The following LIPG variants were observed in gnomAD, a reference collection of about 807,000 sequenced individuals.
LIPG encodes endothelial lipase.
LIPG carries 34 observed loss-of-function variants against 51.8 expected under a neutral mutation model. That is an observed-to-expected ratio of 0.66 (90% CI 0.50 to 0.87). The LOEUF (loss-of-function observed/expected upper bound fraction) is 0.87. Ranked by LOEUF, LIPG falls within the 40% of genes least tolerant of loss-of-function variation. The probability of loss-of-function intolerance (pLI) is 0.00; values close to 1 mark genes in which losing one functional copy is unlikely to be tolerated. For synonymous variants in LIPG, 246 were observed against 246.1 expected, an observed-to-expected ratio of 1.00 and a Z score of 0.00; for missense variants, 580 against 652.7, an observed-to-expected ratio of 0.89 and a Z score of 1.21.
chr18:49,566,279 G>T (rs1050997955), intron 2 of LIPG, among the ~76,000 whole-genome samples: 1 of 152,198 alleles, frequency 6.6e-6, no homozygotes, highest in African/African-American at 2.4e-5. Flanking sequence ...CTAGTTGAAT[G>T]AAGAGATGAT....
intron 4 of LIPG, among the ~76,000 whole-genome samples, chr18:49,571,749 A>G (rs2084666454): frequency 6.6e-6 from 1 of 152,162 alleles, no homozygotes; most frequent in Non-Finnish European, 1.5e-5. Context: ...CAGTGATGCC[A>G]CTATGCTAAG....
chr18:49,562,379 C>T lies in LIPG; in HGVS notation c.71C>T (p.Pro24Leu), dbSNP rs770143868. ...CYCFAAGSPVPFGPEGRLEDK... is the reference protein window; with the variant it reads ...CYCFAAGSPVLFGPEGRLEDK... ...TGCTTTGCTGCGGGGAGCCCCGTAC[C>T]TTTTGGTCCAGAGGGACGGCTGGAA... The change falls in exon 1 of 10, where the codon CCT (proline) becomes CTT (leucine). Residue 24 changes from proline to leucine, a missense_variant. Coordinates refer to ENST00000261292, the MANE Select transcript of LIPG (RefSeq NM_006033.4). The T allele has an allele frequency of 1.1e-5, 17 of 1,614,038 alleles. No homozygotes were observed. The highest frequency in any genetic ancestry group is 6.7e-5 in the East Asian group (3 of 44,878).
chr18:49,572,452 T>G (rs2084674028), intron 4 of LIPG, among the ~76,000 whole-genome samples: 2 of 152,034 alleles, frequency 1.3e-5, no homozygotes, highest in Admixed American at 1.3e-4. Context: ...ACTCAGTGAT[T>G]AAGTAAAGGG....
intron 8 of LIPG, among the ~76,000 whole-genome samples, 185 bp downstream of exon 8, chr18:49,583,959 A>T (rs926989282): frequency 6.6e-6 from 1 of 152,178 alleles, no homozygotes; most frequent in African/African-American, 2.4e-5. Context: ...ACTGTTACGC[A>T]TCTCATGCCC....
rs1245703599 is a variant in LIPG, at chr18:49,591,410, G to A, written c.*888G>A. ...GTGCCACCTCCCCTATGAGTGACGTGTTTGATCACTAGCAGAATAGCAAGC... is the reference window on the plus strand; with the variant it reads ...GTGCCACCTCCCCTATGAGTGACGTATTTGATCACTAGCAGAATAGCAAGC... On this transcript the variant is annotated 3_prime_UTR_variant, in exon 10 of 10. Transcript: ENST00000261292. 1 of 152,202 alleles carries A rather than the reference G, an allele frequency of 6.6e-6. No individual in the cohort carries two copies. The highest frequency in any genetic ancestry group is 1.5e-5 in the Non-Finnish European group (1 of 68,042). The allele number at this position is 152,202 out of a possible 1,614,324, so 9.4% of individuals were successfully genotyped here.
intron 2 of LIPG, among the ~76,000 whole-genome samples, chr18:49,566,198 T>G (rs1374917067): frequency 1.3e-5 from 2 of 152,186 alleles, no homozygotes; most frequent in African/African-American, 4.8e-5. Flanking sequence ...ATCTGTTACA[T>G]GCTTTTGGGG....
chr18:49,576,457 CTTTTT>C (rs34597464), intron 5 of LIPG, among the ~76,000 whole-genome samples: 27 of 51,514 alleles, frequency 5.2e-4, no homozygotes, highest in African/African-American at 1.8e-3. Flanking sequence ...CAGAATCTTG[CTTTTT>C]TTTTTTTTTT....
chr18:49,565,787 C>T (rs890576754), intron 2 of LIPG, among the ~76,000 whole-genome samples: 1 of 152,210 alleles, frequency 6.6e-6, no homozygotes, highest in Non-Finnish European at 1.5e-5. Flanking sequence ...TCTAATTACA[C>T]TTAATTACGC....
chr18:49,589,142 A>G (rs1262590350), intron 9 of LIPG, among the ~76,000 whole-genome samples: 2 of 152,074 alleles, frequency 1.3e-5, no homozygotes, highest in African/African-American at 2.4e-5. Context: ...CTGGGTATCA[A>G]TTATCAGGCA....
At chr18:49,564,787 T>C (rs117461461) in intron 1 of LIPG, among the ~76,000 whole-genome samples, 20 of 152,342 alleles carry the variant, frequency 1.3e-4, no homozygotes, top group Non-Finnish European at 2.4e-4. Context: ...AGGAGGCTAT[T>C]GGTTATCTTT....
rs1433818238 is a variant in LIPG at position 49,597,162 on chromosome 18, G to C, written c.*6640G>C. On this transcript the variant is annotated 3_prime_UTR_variant, in exon 10 of 10. Coordinates refer to ENST00000261292, the MANE Select transcript of LIPG (RefSeq NM_006033.4). ...AAACAAAAGGAAAGGTTCCTGTTGGGATAGAGAAACAGTGGAGCAGGGCAG... is the reference window on the plus strand; with the variant it reads ...AAACAAAAGGAAAGGTTCCTGTTGGCATAGAGAAACAGTGGAGCAGGGCAG... The C allele has an allele frequency of 6.6e-6, 1 of 152,246 alleles. No individual in the cohort carries two copies. The highest frequency in any genetic ancestry group is 1.5e-5 in the Non-Finnish European group (1 of 68,048). The allele number at this position is 152,246 out of a possible 1,614,324, so 9.4% of individuals were successfully genotyped here.
chr18:49,572,546 G>A (rs1373694399), intron 4 of LIPG, among the ~76,000 whole-genome samples: 1 of 151,896 alleles, frequency 6.6e-6, no homozygotes, highest in Non-Finnish European at 1.5e-5. Flanking sequence ...CCTCACTGCT[G>A]TGCCATGCTG....
Position 49,590,659 on chromosome 18 carries a change from G to C in LIPG, c.*137G>C, listed in dbSNP as rs2084932855. ...GACCCTGGAGCACTGGGAACAACTG[G>C]TCTCCTGTGATGGCTGGGACTCCTC... On this transcript the variant is annotated 3_prime_UTR_variant, in exon 10 of 10. Coordinates refer to ENST00000261292, the MANE Select transcript of LIPG (RefSeq NM_006033.4). The C allele has an allele frequency of 1.1e-6, 1 of 909,238 alleles. No individual in the cohort carries two copies. Among genetic ancestry groups the C allele is most frequent in the Non-Finnish European group, 1.8e-6 (1 of 568,426 alleles). The allele number at this position is 909,238 out of a possible 1,614,324, so 56.3% of individuals were successfully genotyped here. A position where few individuals can be genotyped will look rare whatever the true frequency, so the allele number is the denominator to read the frequency against.
At position 49,593,557 on chromosome 18, in the gene LIPG, T is replaced by C. The variant is rs1326159340; in HGVS notation, c.*3035T>C. 6.6e-6 allele frequency: 1 copy of C among 151,246 alleles called. No homozygotes were observed. The allele number at this position is 151,246 out of a possible 1,614,324, so 9.4% of individuals were successfully genotyped here. On this transcript the variant is annotated 3_prime_UTR_variant, in exon 10 of 10. Transcript: ENST00000261292. Reference sequence around the variant, plus strand: ...GACTTAGACCAGAGGGAAGCTGATTTCTCTATTGGTTAAAGTCCCAGCTGG... The same window carrying C: ...GACTTAGACCAGAGGGAAGCTGATTCCTCTATTGGTTAAAGTCCCAGCTGG...
intron 1 of LIPG, 99 bp from the exon 2 acceptor site, chr18:49,565,218 G>A (rs1307977329): frequency 2.5e-5 from 30 of 1,219,626 alleles, no homozygotes; most frequent in Non-Finnish European, 3.4e-5. Flanking sequence ...AAACCCAGAT[G>A]GCTTAAGCAA....
In LIPG at chr18:49,578,011, A is replaced by G. The variant is rs867465019; in HGVS notation, c.793+2421A>G. ...TCCCTCCCGGACGGCACGGCTGGCC[A>G]GGCGGGGGGCTGACCCCCCCACCTC... On this transcript the variant is annotated intron_variant, in intron 5 of 9. Transcript: ENST00000261292. Among the ~76,000 whole-genome samples the G allele has an allele frequency of 5.0e-4, 55 of 109,720 alleles. No homozygotes were observed. In the Middle Eastern group the frequency reaches 0.029, roughly 58 times the overall value. The allele number at this position is 109,720 out of a possible 152,430, so 72.0% of individuals were successfully genotyped here. A position where few individuals can be genotyped will look rare whatever the true frequency, so the allele number is the denominator to read the frequency against.
intron 9 of LIPG, among the ~76,000 whole-genome samples, chr18:49,589,130 G>A (rs2084914977): frequency 6.6e-6 from 1 of 152,156 alleles, no homozygotes; most frequent in African/African-American, 2.4e-5. Flanking sequence ...CCTCGCGTCT[G>A]TCTGGGTATC....
At chr18:49,574,225 A>G (rs1452846065) in intron 4 of LIPG, among the ~76,000 whole-genome samples, 1 of 152,166 alleles carries the variant, frequency 6.6e-6, no homozygotes, top group East Asian at 1.9e-4. Context: ...AATAGTAGCT[A>G]ATACTGACAG....
At chr18:49,572,999 C>T (rs962710178) in intron 4 of LIPG, among the ~76,000 whole-genome samples, 1 of 152,170 alleles carries the variant, frequency 6.6e-6, no homozygotes, top group Admixed American at 6.5e-5. Context: ...CTGTGGGCCA[C>T]AGATATGTGT....
Sources: allele counts gnomAD v4.1 joint callset (sites outside exome capture counted in the v4.1 genomes callset), GRCh38; gene constraint gnomAD v4.1.1; transcripts MANE v1.5; gene names NCBI Gene and HGNC (gene_info 2026-07-23, HGNC 2026-07-21).